The following ATP2B2 variants were observed in gnomAD, a reference collection of about 807,000 sequenced individuals.
ATP2B2 encodes the protein plasma membrane calcium-transporting ATPase 2.
Under a neutral mutation model 120.0 loss-of-function variants are expected in ATP2B2, and 15 were observed. The observed-to-expected ratio is 0.12, with a 90% confidence interval of 0.08 to 0.19. The LOEUF (loss-of-function observed/expected upper bound fraction) is 0.19, where lower values mean the gene tolerates loss of function less well. Ranked by LOEUF, ATP2B2 falls within the 10% of genes least tolerant of loss-of-function variation. ATP2B2 has a pLI of 1.00. For missense variants in ATP2B2, 1,045 were observed against 1,719.8 expected (o/e 0.61, Z 6.94); for synonymous variants, 694 against 700.3 (o/e 0.99, Z 0.14).
intron 1 of ATP2B2, among the ~76,000 whole-genome samples, chr3:10,649,970 C>CTCGG (rs1209306983): frequency 1.3e-5 from 2 of 152,206 alleles, no homozygotes; most frequent in East Asian, 3.8e-4. Context: ...ATTTCCCAGT[C>CTCGG]TCGGGTATGC....
chr3:10,348,898 A>G (rs1269529200), intron 16 of ATP2B2, among the ~76,000 whole-genome samples: 1 of 152,192 alleles, frequency 6.6e-6, no homozygotes, highest in African/African-American at 2.4e-5. Flanking sequence ...TGAGTGAATG[A>G]ATAAGAATAA....
At chr3:10,451,636 G>A (rs138889143) in intron 1 of ATP2B2, among the ~76,000 whole-genome samples, 159 of 152,268 alleles carry the variant, frequency 1.0e-3, no homozygotes, top group African/African-American at 3.7e-3. Flanking sequence ...GGGACTAACA[G>A]ATCTCTTATG....
rs540124362 is a variant in ATP2B2 at position 10,325,065 on chromosome 3, G to A, written c.*3749C>T. ...GCTTAGGGGGCAGGTGAAATGATGG[G>A]AGGAACAGCAGGCTTCTCTCAAGAT... On this transcript the variant is annotated 3_prime_UTR_variant, in exon 23 of 23. Coordinates refer to ENST00000360273, the MANE Select transcript of ATP2B2 (RefSeq NM_001001331.4). 10 of 152,346 alleles carry A rather than the reference G, an allele frequency of 6.6e-5. No individual in the cohort carries two copies. In the East Asian group the frequency reaches 9.6e-4, roughly 15 times the overall value. The allele number at this position is 152,346 out of a possible 1,614,324, so 9.4% of individuals were successfully genotyped here.
intron 3 of ATP2B2, among the ~76,000 whole-genome samples, chr3:10,517,077 G>A (rs780592237): frequency 3.9e-5 from 6 of 152,096 alleles, no homozygotes; most frequent in Non-Finnish European, 7.4e-5. Context: ...ATAACAAAAC[G>A]ACAAAGGTCA....
At chr3:10,365,508 C>G (rs940682006) in intron 12 of ATP2B2, among the ~76,000 whole-genome samples, 1 of 152,090 alleles carries the variant, frequency 6.6e-6, no homozygotes, top group Non-Finnish European at 1.5e-5. Flanking sequence ...GTGTCCGGGA[C>G]GACAGAAGCC....
intron 2 of ATP2B2, among the ~76,000 whole-genome samples, chr3:10,590,906 C>T (rs1174516576): frequency 3.3e-5 from 5 of 152,106 alleles, no homozygotes; most frequent in Admixed American, 3.3e-4. Flanking sequence ...TCCTAGTCCC[C>T]ACACTTTACA....
At chr3:10,670,970 G>A (rs934839009) in intron 1 of ATP2B2, among the ~76,000 whole-genome samples, 3 of 152,240 alleles carry the variant, frequency 2.0e-5, no homozygotes, top group Non-Finnish European at 4.4e-5. Flanking sequence ...CATGGAGGCT[G>A]TAAAAGAGTT....
rs1575332594 is a variant in ATP2B2, at chr3:10,471,606, G to A, written c.-319-21744C>T. On this transcript the variant is annotated intron_variant, in intron 1 of 22. Transcript: ENST00000360273. The stretch of plus-strand genomic sequence containing the variant: ...GAAAGGAGGCGGAAGAGGGAGAGGG[G>A]AGAGAAACAGAGACTGACTTCAAAA... Among the ~76,000 whole-genome samples, 2 of 151,708 alleles carry A rather than the reference G, an allele frequency of 1.3e-5. 1 individual carries two copies. The highest frequency in any genetic ancestry group is 2.9e-5 in the Non-Finnish European group (2 of 67,902).
chr3:10,339,478 C>T (rs533948746), intron 21 of ATP2B2, among the ~76,000 whole-genome samples: 92 of 152,332 alleles, frequency 6.0e-4, no homozygotes, highest in Admixed American at 2.3e-3. Context: ...GGGCCCTCCT[C>T]CCAAGCCCTG....
intron 2 of ATP2B2, among the ~76,000 whole-genome samples, chr3:10,538,299 A>G (rs2067361597): frequency 6.6e-6 from 1 of 152,260 alleles, no homozygotes; most frequent in South Asian, 2.1e-4. Context: ...CCAGAGGTAC[A>G]AAGAGGAGCT....
chr3:10,458,802 G>A (rs1171078404), intron 1 of ATP2B2, among the ~76,000 whole-genome samples: 14 of 152,208 alleles, frequency 9.2e-5, no homozygotes, highest in African/African-American at 1.4e-4. Context: ...CAATCGCCAC[G>A]GCCATATGGG....
At chr3:10,390,643 A>C (rs1009016809) in intron 5 of ATP2B2, among the ~76,000 whole-genome samples, 1 of 152,184 alleles carries the variant, frequency 6.6e-6, no homozygotes, top group African/African-American at 2.4e-5. Context: ...CTCTCCCTGC[A>C]CAGATGCAGA....
intron 5 of ATP2B2, among the ~76,000 whole-genome samples, chr3:10,396,893 T>G (rs913934384): frequency 2.0e-5 from 3 of 151,870 alleles, no homozygotes; most frequent in African/African-American, 7.3e-5. Flanking sequence ...AGGAGTAGAG[T>G]TGGGATTGGA....
chr3:10,659,786 A>C (rs144208233), intron 1 of ATP2B2, among the ~76,000 whole-genome samples: 33,480 of 152,168 alleles, frequency 0.22, 6,160 homozygotes, highest in African/African-American at 0.5. Context: ...AATCAACAGA[A>C]TATACATTCT....
intron 1 of ATP2B2, among the ~76,000 whole-genome samples, chr3:10,680,137 TA>T (rs35320138): frequency 6.6e-6 from 1 of 152,178 alleles, no homozygotes; most frequent in Non-Finnish European, 1.5e-5. Context: ...ACATGCATCT[TA>T]AAAATAATAT....
At chr3:10,394,347 A>T (rs2061958070) in intron 5 of ATP2B2, 2 of 444,256 alleles carry the variant, frequency 4.5e-6, no homozygotes, top group Admixed American at 2.4e-5. Context: ...CAGTAGGCAA[A>T]GTGTCCCCCT....
rs116184637 is a variant in ATP2B2, at chr3:10,584,621, G to A, written c.-415+35296C>T. ...CATTTTGCTCGTGACTGATATTCAC[G>A]TAATATCCTCCCAGCCACTGCTTGC... On this transcript the variant is annotated intron_variant, in intron 2 of 21. Transcript: ENST00000646379. Among the ~76,000 whole-genome samples, 815 of 152,246 alleles carry A rather than the reference G, an allele frequency of 5.4e-3. 3 individuals carry two copies. The highest frequency in any genetic ancestry group is 7.1e-3 in the African/African-American group (296 of 41,532).
chr3:10,613,548 C>T (rs374195754), intron 2 of ATP2B2, among the ~76,000 whole-genome samples: 2 of 152,080 alleles, frequency 1.3e-5, no homozygotes, highest in East Asian at 1.9e-4. Flanking sequence ...CCATTGGTGT[C>T]AAAACACACC....
At chr3:10,403,117 C>T (rs553616519) in intron 3 of ATP2B2, among the ~76,000 whole-genome samples, 2 of 152,314 alleles carry the variant, frequency 1.3e-5, no homozygotes, top group Admixed American at 1.3e-4. Flanking sequence ...TGCCCTTCCC[C>T]GGCTTCAGTG....
Sources: allele counts gnomAD v4.1 joint callset (sites outside exome capture counted in the v4.1 genomes callset), GRCh38; gene constraint gnomAD v4.1.1; transcripts MANE v1.5; gene names NCBI Gene and HGNC (gene_info 2026-07-23, HGNC 2026-07-21).